The following ADAM12 variants were observed in gnomAD, a reference collection of about 807,000 sequenced individuals.
The protein encoded by ADAM12 is ADAM metallopeptidase domain 12.
A neutral mutation model predicts 106.4 loss-of-function variants in ADAM12; 70 were observed. The observed-to-expected ratio is 0.66, with a 90% CI of 0.54 to 0.80. ADAM12 has a LOEUF of 0.80. ADAM12 is among the 30% of genes least tolerant of loss of function. The pLI is 0.00. For synonymous variants in ADAM12, 420 were observed against 433.5 expected (o/e 0.97, Z 0.39); for missense variants, 1,010 against 1,171.9 (o/e 0.86, Z 2.02).
intron 4 of ADAM12, among the ~76,000 whole-genome samples, chr10:126,147,548 C>T (rs1393764612): frequency 6.6e-6 from 1 of 152,222 alleles, no homozygotes; most frequent in Non-Finnish European, 1.5e-5. Context: ...CTCCTAAACA[C>T]TTCCTTCCTC....
rs1344865905 is a variant in ADAM12, at chr10:126,012,853, G to A, written c.*4426C>T. The A allele has an allele frequency of 1.3e-5, 2 of 152,092 alleles. No individual in the cohort carries two copies. The highest frequency in any genetic ancestry group is 2.9e-5 in the Non-Finnish European group (2 of 67,998). 9.4% of individuals were successfully genotyped at this position (152,092 alleles called of 1,614,324 possible). On this transcript the variant is annotated 3_prime_UTR_variant, in exon 23 of 23. Coordinates refer to ENST00000448723, the MANE Select transcript of ADAM12 (RefSeq NM_001288973.2). ...TGCTTATAGGCCATGAAAATAAAAC[G>A]CCATTCAACTTTTTTTTTGTAAAGC...
chr10:126,038,795 G>A (rs1954103316), intron 19 of ADAM12, among the ~76,000 whole-genome samples: 1 of 152,078 alleles, frequency 6.6e-6, no homozygotes, highest in African/African-American at 2.4e-5. Flanking sequence ...ATTGTTGTTT[G>A]AAGGGAAGTA....
chr10:126,155,405 T>A, intron 3 of ADAM12, 100 bp from the exon 4 acceptor site: 3 of 255,208 alleles, frequency 1.2e-5, no homozygotes, highest in Non-Finnish European at 1.9e-5. Flanking sequence ...TGTGACCTCC[T>A]TTTTTTTTTT....
At chr10:126,309,904 A>G (rs917703600) in intron 2 of ADAM12, among the ~76,000 whole-genome samples, 7 of 152,158 alleles carry the variant, frequency 4.6e-5, no homozygotes, top group Admixed American at 2.0e-4. Context: ...CACGCAGGTA[A>G]TCCCAGCACT....
intron 11 of ADAM12, among the ~76,000 whole-genome samples, chr10:126,074,263 A>G (rs1955055959): frequency 6.6e-6 from 1 of 152,328 alleles, no homozygotes; most frequent in African/African-American, 2.4e-5. Context: ...AGCAATTAAG[A>G]GAAGCCTGGA....
chr10:126,319,844 T>C (rs547138817), intron 2 of ADAM12, among the ~76,000 whole-genome samples: 6 of 152,232 alleles, frequency 3.9e-5, no homozygotes, highest in African/African-American at 1.4e-4. Context: ...AAAAAGCTTA[T>C]TTTTAAAGAT....
rs74809687 is a variant in ADAM12 at position 126,078,698 on chromosome 10, T to A, written c.1146-7044A>T. ...GTGCTTTCTCATGGTAATATTTTTC[T>A]TCTTTTATACTTTTTTTTGAATTTA... On this transcript the variant is annotated intron_variant, in intron 11 of 22. Transcript: ENST00000448723. Among the ~76,000 whole-genome samples the A allele has an allele frequency of 7.5e-4, 114 of 152,144 alleles. 2 individuals are homozygous for A. The highest frequency in any genetic ancestry group is 2.6e-3 in the African/African-American group (109 of 41,476).
At position 126,043,631 on chromosome 10, in the gene ADAM12, C is replaced by T. The variant is rs77788333; in HGVS notation, c.1996-483G>A. Among the ~76,000 whole-genome samples the T allele has an allele frequency of 0.017, 2,513 of 152,262 alleles. 54 individuals are homozygous for T. The highest frequency in any genetic ancestry group is 0.053 in the African/African-American group (2,209 of 41,542). ...AGAGGCTGGTGACTGCCGGGTCCCA[C>T]GCCAGGCTGGGGTCCGAGGCAGGCC... On this transcript the variant is annotated intron_variant, in intron 17 of 22. Transcript: ENST00000448723. This position sits in a 1 kb window ranked among gnomAD's most constrained non-coding sequence, Gnocchi z 4.1.
intron 3 of ADAM12, among the ~76,000 whole-genome samples, chr10:126,174,089 C>G (rs1173186147): frequency 7.2e-6 from 1 of 138,842 alleles, no homozygotes; most frequent in Admixed American, 7.6e-5. Flanking sequence ...CTCACTGCAA[C>G]CTCCCGCCTC....
chr10:126,295,932 AAC>A (rs1028355107), intron 2 of ADAM12, among the ~76,000 whole-genome samples: 10 of 139,834 alleles, frequency 7.2e-5, no homozygotes, highest in Non-Finnish European at 1.3e-4. Context: ...CACACACATA[AAC>A]ACACACACAC....
intron 3 of ADAM12, among the ~76,000 whole-genome samples, chr10:126,257,238 T>C (rs545679840): frequency 1.3e-5 from 2 of 152,336 alleles, no homozygotes; most frequent in African/African-American, 4.8e-5. Flanking sequence ...CGGGAAGGAA[T>C]GATGTCAGGC....
intron 3 of ADAM12, among the ~76,000 whole-genome samples, chr10:126,175,192 C>T (rs568147172): frequency 1.3e-5 from 2 of 152,160 alleles, no homozygotes; most frequent in African/African-American, 2.4e-5. Context: ...ACAGCACACA[C>T]GAGGAGGTGG....
intron 1 of ADAM12, among the ~76,000 whole-genome samples, chr10:126,380,525 G>T (rs886953953): frequency 2.0e-5 from 3 of 152,198 alleles, no homozygotes; most frequent in Non-Finnish European, 4.4e-5. Context: ...GGAACAACAA[G>T]ATTCTTTCAG....
chr10:126,207,885 T>C (rs937969447), intron 3 of ADAM12, among the ~76,000 whole-genome samples: 5 of 152,194 alleles, frequency 3.3e-5, no homozygotes, highest in African/African-American at 9.7e-5. Flanking sequence ...CAGAAACCCT[T>C]ACATGTTTCA....
In ADAM12 at chr10:126,012,717, T is replaced by TG. The variant is rs552586023; in HGVS notation, c.*4561dup. The TG allele has an allele frequency of 2.6e-5, 4 of 152,336 alleles. No individual in the cohort carries two copies. The highest frequency in any genetic ancestry group is 4.1e-4 in the South Asian group (2 of 4,824). 9.4% of individuals were successfully genotyped at this position (152,336 alleles called of 1,614,324 possible). A position where few individuals can be genotyped will look rare whatever the true frequency, so the allele number is the denominator to read the frequency against. On this transcript the variant is annotated 3_prime_UTR_variant, in exon 23 of 23. Transcript: ENST00000448723. ...ACTGCAGCCTCCTGATTTGACCTGA[T>TG]GGGAGGGACAGGAGAATGAGTCACT...
intron 2 of ADAM12, among the ~76,000 whole-genome samples, chr10:126,307,767 A>AT (rs35611557): frequency 4.2e-4 from 63 of 151,806 alleles, no homozygotes; most frequent in African/African-American, 1.4e-3. Flanking sequence ...GAATTTTTGT[A>AT]TTTTTTGTAG....
At chr10:126,191,381 T>C (rs1253731721) in intron 3 of ADAM12, among the ~76,000 whole-genome samples, 2 of 151,928 alleles carry the variant, frequency 1.3e-5, no homozygotes, top group East Asian at 3.9e-4. Context: ...GGAGGATAGA[T>C]GGGGGTGAGC....
intron 3 of ADAM12, among the ~76,000 whole-genome samples, chr10:126,266,644 G>T (rs1230674960): frequency 6.6e-6 from 1 of 152,174 alleles, no homozygotes; most frequent in Admixed American, 6.5e-5. Flanking sequence ...AATTTAAGAA[G>T]AAAAGAGGTT....
intron 3 of ADAM12, among the ~76,000 whole-genome samples, chr10:126,222,951 C>G (rs1212149388): frequency 6.6e-6 from 1 of 152,186 alleles, no homozygotes; most frequent in Non-Finnish European, 1.5e-5. Flanking sequence ...TTGTTTCACA[C>G]AGGGCCAAGG....
Sources: allele counts gnomAD v4.1 joint callset (sites outside exome capture counted in the v4.1 genomes callset), GRCh38; gene constraint gnomAD v4.1.1; non-coding constraint Gnocchi (gnomAD v3.1); transcripts MANE v1.5; gene names NCBI Gene and HGNC (gene_info 2026-07-23, HGNC 2026-07-21).